The following GRM7 variants were observed in gnomAD, a reference collection of about 807,000 sequenced individuals.
GRM7 encodes glutamate metabotropic receptor 7.
GRM7 carries 35 observed loss-of-function variants against 84.5 expected under a neutral mutation model. The ratio of observed to expected loss-of-function variants is 0.41; its 90% CI spans 0.32 to 0.55. The LOEUF is 0.55. Ranked by LOEUF, GRM7 falls within the 20% of genes least tolerant of loss-of-function variation. The pLI is 0.19. For synonymous variants in GRM7, 487 were observed against 455.1 expected, an observed-to-expected ratio of 1.07 and a Z score of -0.89; for missense variants, 1,003 against 1,194.6, an observed-to-expected ratio of 0.84 and a Z score of 2.36.
intron 1 of GRM7, among the ~76,000 whole-genome samples, chr3:7,058,436 C>T (rs1040079165): frequency 6.6e-6 from 1 of 151,656 alleles, no homozygotes; most frequent in Non-Finnish European, 1.5e-5. Context: ...CAATTTTTTT[C>T]TACAGAGAGG....
At chr3:7,059,359 T>C (rs1030507129) in intron 1 of GRM7, among the ~76,000 whole-genome samples, 2 of 151,786 alleles carry the variant, frequency 1.3e-5, no homozygotes. Context: ...CTCTCCTTCT[T>C]CTTTCCCCCT....
intron 1 of GRM7, among the ~76,000 whole-genome samples, chr3:6,983,878 A>G (rs771874485): frequency 3.3e-5 from 5 of 151,996 alleles, no homozygotes; most frequent in Non-Finnish European, 7.4e-5. Flanking sequence ...CAGTATCTTT[A>G]CATCTAACAA....
chr3:7,454,556 G>A (rs898310757), intron 6 of GRM7, among the ~76,000 whole-genome samples: 1 of 152,080 alleles, frequency 6.6e-6, no homozygotes, highest in Admixed American at 6.6e-5. Flanking sequence ...TAAGGCTGAA[G>A]ACAAAATAAC....
chr3:7,287,816 C>A (rs558241820), intron 2 of GRM7, among the ~76,000 whole-genome samples: 1 of 151,928 alleles, frequency 6.6e-6, no homozygotes, highest in Non-Finnish European at 1.5e-5. Context: ...TAGTTTGCTG[C>A]GGGACTAATG....
intron 4 of GRM7, among the ~76,000 whole-genome samples, chr3:7,333,405 C>T (rs1176569465): frequency 1.3e-5 from 2 of 152,184 alleles, no homozygotes; most frequent in African/African-American, 4.8e-5. Flanking sequence ...TGCAGTCTGC[C>T]TCTTAAGAAG....
intron 2 of GRM7, among the ~76,000 whole-genome samples, chr3:7,159,422 T>A (rs765499857): frequency 1.3e-5 from 2 of 152,100 alleles, no homozygotes; most frequent in Non-Finnish European, 2.9e-5. Flanking sequence ...ATTCTTATTT[T>A]CCCCCAGAGT....
intron 8 of GRM7, among the ~76,000 whole-genome samples, chr3:7,663,784 G>A (rs530320149): frequency 2.0e-5 from 3 of 152,160 alleles, no homozygotes; most frequent in Non-Finnish European, 4.4e-5. Context: ...CAAAGGCAAG[G>A]TGAAGATAAT....
rs373113623 is a variant in GRM7 at position 7,703,536 on chromosome 3, A to G, written c.2698+23241A>G. On this transcript the variant is annotated intron_variant, in intron 9 of 9. Coordinates refer to ENST00000357716, the MANE Select transcript of GRM7 (RefSeq NM_000844.4). Reference sequence around the variant, plus strand: ...CTTCCAATCCGGGAGTTTCAGCTATACAGGGGATCTTAGGGTTATTAAAGA... The same window carrying G: ...CTTCCAATCCGGGAGTTTCAGCTATGCAGGGGATCTTAGGGTTATTAAAGA... 1.8e-4 allele frequency among the ~76,000 whole-genome samples: 27 copies of G among 152,086 alleles called. No individual in the cohort carries two copies. The East Asian group carries it at 1.9e-3, about 11-fold the overall frequency.
chr3:7,740,680 G>C lies in GRM7; in HGVS notation c.*274G>C, dbSNP rs75721571. ...AAGGGAGTGTTGAAACTCAAGTCCC[G>C]CCCTGGCTCTTTAGAATGGACCACT... On this transcript the variant is annotated 3_prime_UTR_variant, in exon 10 of 10. Transcript: ENST00000357716. 17,880 of 334,198 alleles carry C rather than the reference G, an allele frequency of 0.054. 700 individuals are homozygous for C. Among genetic ancestry groups the C allele is most frequent in the Non-Finnish European group, 0.067 (12,501 of 185,984 alleles). The allele number at this position is 334,198 out of a possible 1,614,324, so 20.7% of individuals were successfully genotyped here. A position where few individuals can be genotyped will look rare whatever the true frequency, so the allele number is the denominator to read the frequency against.
intron 7 of GRM7, among the ~76,000 whole-genome samples, chr3:7,532,078 T>G (rs917937510): frequency 6.6e-6 from 1 of 152,156 alleles, no homozygotes; most frequent in African/African-American, 2.4e-5. Flanking sequence ...GCCTGAAATT[T>G]TCTTTTTTTG....
At chr3:7,099,169 C>A (rs751257861) in intron 1 of GRM7, among the ~76,000 whole-genome samples, 2 of 149,452 alleles carry the variant, frequency 1.3e-5, no homozygotes, top group Non-Finnish European at 3.0e-5. Context: ...CAAAGAAGTT[C>A]GCAGGTTTAA....
At chr3:7,564,634 C>G (rs573136450) in intron 7 of GRM7, among the ~76,000 whole-genome samples, 1 of 152,018 alleles carries the variant, frequency 6.6e-6, no homozygotes, top group East Asian at 1.9e-4. Flanking sequence ...ATGTATTGAC[C>G]GTTGGAGCCA....
At chr3:7,612,932 C>T (rs1696908890) in intron 8 of GRM7, among the ~76,000 whole-genome samples, 1 of 152,126 alleles carries the variant, frequency 6.6e-6, no homozygotes, top group Non-Finnish European at 1.5e-5. Context: ...TGCAGAGTAA[C>T]TTGAACCAAT....
chr3:7,255,342 G>A (rs949447918), intron 2 of GRM7, among the ~76,000 whole-genome samples: 3 of 152,260 alleles, frequency 2.0e-5, no homozygotes, highest in Admixed American at 6.5e-5. Context: ...GCTTTGTGAC[G>A]CTCAGTGGAT....
At chr3:7,693,602 G>A (rs1167500911) in intron 9 of GRM7, 2 of 1,408,260 alleles carry the variant, frequency 1.4e-6, no homozygotes, top group East Asian at 2.5e-5. Context: ...CCAAAGTCCA[G>A]ACTGAGACTT....
chr3:7,690,205 C>G (rs1208839176), intron 9 of GRM7, among the ~76,000 whole-genome samples: 1 of 152,044 alleles, frequency 6.6e-6, no homozygotes, highest in Non-Finnish European at 1.5e-5. Flanking sequence ...CAGGAAGCAG[C>G]CTGAGGGTAG....
intron 1 of GRM7, among the ~76,000 whole-genome samples, chr3:7,060,180 T>C (rs80264120): frequency 0.033 from 4,956 of 151,938 alleles, 211 homozygotes; most frequent in African/African-American, 0.1. Context: ...GGCCCTTGAG[T>C]TAATTTTTCA....
intron 4 of GRM7, among the ~76,000 whole-genome samples, chr3:7,357,426 C>T (rs879384768): frequency 1.3e-5 from 2 of 152,038 alleles, no homozygotes; most frequent in Non-Finnish European, 2.9e-5. Flanking sequence ...CCATAGAACT[C>T]ATTTCCCCTC....
intron 1 of GRM7, among the ~76,000 whole-genome samples, chr3:7,004,044 G>T (rs1695100254): frequency 6.6e-6 from 1 of 152,290 alleles, no homozygotes; most frequent in East Asian, 1.9e-4. Flanking sequence ...GAGTGTTTTT[G>T]CATAATGGCT....
Sources: gnomAD v4.1 joint callset for allele counts (sites outside exome capture counted in the v4.1 genomes callset) on GRCh38, gnomAD v4.1.1 for gene constraint, MANE v1.5 for transcripts, NCBI Gene and HGNC (gene_info 2026-07-23, HGNC 2026-07-21) for gene names.